SLC24A2: variants seen among roughly 807,000 people sequenced by gnomAD.
The protein encoded by SLC24A2 is solute carrier family 24 member 2.
Under a neutral mutation model 62.0 loss-of-function variants are expected in SLC24A2, and 36 were observed. The observed-to-expected ratio is 0.58, with a 90% confidence interval of 0.44 to 0.77. The LOEUF is 0.77. SLC24A2 is among the 30% of genes least tolerant of loss of function. The probability of loss-of-function intolerance (pLI) is 0.00; values close to 1 mark genes in which losing one functional copy is unlikely to be tolerated. For missense variants in SLC24A2, 846 were observed against 817.9 expected (o/e 1.03, Z -0.42); for synonymous variants, 358 against 294.0 (o/e 1.22, Z -2.23).
At chr9:19,571,736 A>T (rs895370193) in intron 7 of SLC24A2, among the ~76,000 whole-genome samples, 4 of 152,234 alleles carry the variant, frequency 2.6e-5, no homozygotes, top group African/African-American at 9.6e-5. Flanking sequence ...CCTAATTAAC[A>T]TGCAAGTTTG....
chr9:19,911,641 T>C, the SLC24A2 span, among the ~76,000 whole-genome samples: 10 of 152,282 alleles, frequency 6.6e-5, no homozygotes, highest in East Asian at 1.7e-3. Flanking sequence ...TGATATGGCG[T>C]CCAGTCTCAA....
At chr9:19,981,908 C>G in the SLC24A2 span, among the ~76,000 whole-genome samples, 2 of 152,168 alleles carry the variant, frequency 1.3e-5, no homozygotes, top group African/African-American at 4.8e-5. Context: ...AAAGTATACT[C>G]TCCCTACCCA....
At chr9:19,901,249 G>T in the SLC24A2 span, among the ~76,000 whole-genome samples, 952 of 152,294 alleles carry the variant, frequency 6.3e-3, 4 homozygotes, top group Admixed American at 9.7e-3. Context: ...TATAATGATG[G>T]CACAAAGGGA....
At chr9:19,850,951 ATATATATATATATATG>A in the SLC24A2 span, among the ~76,000 whole-genome samples, 5,537 of 27,816 alleles carry the variant, frequency 0.2, 451 homozygotes, top group Middle Eastern at 0.36. Flanking sequence ...ATATACATAT[ATATATATATATATATG>A]TATATATATA....
chr9:20,051,657 C>CTTTTTTTTTTTTTT, the SLC24A2 span, among the ~76,000 whole-genome samples: 287 of 73,474 alleles, frequency 3.9e-3, 19 homozygotes, highest in African/African-American at 6.7e-3. Flanking sequence ...TTTTCTTTCT[C>CTTTTTTTTTTTTTT]TTTTTTTTTT....
At chr9:19,566,900 A>C (rs1229147035) in intron 7 of SLC24A2, among the ~76,000 whole-genome samples, 1 of 152,046 alleles carries the variant, frequency 6.6e-6, no homozygotes, top group African/African-American at 2.4e-5. Context: ...CATAGGTGGA[A>C]ATTGAACAAT....
At chr9:20,247,980 A>G in the SLC24A2 span, among the ~76,000 whole-genome samples, 2 of 152,212 alleles carry the variant, frequency 1.3e-5, no homozygotes, top group Non-Finnish European at 2.9e-5. Flanking sequence ...AATGCCCTCA[A>G]TAAATATTCT....
chr9:19,853,740 T>A, the SLC24A2 span, among the ~76,000 whole-genome samples: 3 of 152,224 alleles, frequency 2.0e-5, no homozygotes, highest in Non-Finnish European at 4.4e-5. Flanking sequence ...TTTGCACCGA[T>A]GTTCATCAGG....
chr9:19,843,074 A>C, the SLC24A2 span, among the ~76,000 whole-genome samples: 521 of 152,320 alleles, frequency 3.4e-3, 2 homozygotes, highest in African/African-American at 0.012. Flanking sequence ...CCAGTCCATG[A>C]ACAATGCTGT....
the SLC24A2 span, among the ~76,000 whole-genome samples, chr9:20,026,317 T>G: frequency 3.3e-5 from 5 of 152,198 alleles, no homozygotes; most frequent in Admixed American, 3.3e-4. Flanking sequence ...ACAGGCCAGA[T>G]TTGTCTGCAT....
chr9:19,524,783 T>C (rs962115025), intron 9 of SLC24A2, among the ~76,000 whole-genome samples: 6 of 151,990 alleles, frequency 3.9e-5, no homozygotes, highest in Non-Finnish European at 7.3e-5. Context: ...TGAATTTGTG[T>C]TCCTTTTCTT....
At chr9:19,653,715 C>T (rs1587102778) in intron 2 of SLC24A2, among the ~76,000 whole-genome samples, 1 of 152,172 alleles carries the variant, frequency 6.6e-6, no homozygotes, top group Non-Finnish European at 1.5e-5. Flanking sequence ...ATACTTGGGC[C>T]CTGGCACAAT....
intron 2 of SLC24A2, among the ~76,000 whole-genome samples, chr9:19,627,442 G>T (rs970779695): frequency 6.6e-6 from 1 of 152,170 alleles, no homozygotes; most frequent in Non-Finnish European, 1.5e-5. Flanking sequence ...AGTAAGGCAA[G>T]GGGGCCAGGG....
chr9:20,151,153 C>T, the SLC24A2 span, among the ~76,000 whole-genome samples: 5 of 151,948 alleles, frequency 3.3e-5, no homozygotes, highest in Non-Finnish European at 5.9e-5. Flanking sequence ...CATAAAACCA[C>T]CCCAAGAAAA....
At chr9:19,759,543 T>C (rs968842327) in intron 2 of SLC24A2, among the ~76,000 whole-genome samples, 1 of 152,228 alleles carries the variant, frequency 6.6e-6, no homozygotes, top group East Asian at 1.9e-4. Context: ...TGCAGCCATA[T>C]GGACACTTGC....
the SLC24A2 span, among the ~76,000 whole-genome samples, chr9:20,029,549 A>G: frequency 6.6e-6 from 1 of 152,304 alleles, no homozygotes; most frequent in Non-Finnish European, 1.5e-5. Flanking sequence ...ACCCCACAGT[A>G]CTGATCCAAA....
the SLC24A2 span, among the ~76,000 whole-genome samples, chr9:20,046,164 G>C: frequency 6.6e-6 from 1 of 152,234 alleles, no homozygotes; most frequent in Admixed American, 6.5e-5. Context: ...GCTTGTGGAA[G>C]CCAAGGCACT....
At chr9:19,627,577 G>C (rs4977309) in intron 2 of SLC24A2, among the ~76,000 whole-genome samples, 99,626 of 152,000 alleles carry the variant, frequency 0.66, 33,458 homozygotes, top group East Asian at 0.78. Flanking sequence ...CCAGGCTGGA[G>C]TGCAGTGGTG....
chr9:20,091,253 A>G, the SLC24A2 span, among the ~76,000 whole-genome samples: 2 of 152,232 alleles, frequency 1.3e-5, no homozygotes, highest in South Asian at 4.2e-4. Context: ...GAAAGGGATG[A>G]TAAGAAAGCA....
Sources: gnomAD v4.1 joint callset for allele counts (sites outside exome capture counted in the v4.1 genomes callset) on GRCh38, gnomAD v4.1.1 for gene constraint, MANE v1.5 for transcripts, NCBI Gene and HGNC (gene_info 2026-07-23, HGNC 2026-07-21) for gene names.